Variants in FAM193A observed in about 807,000 individuals in gnomAD.
FAM193A encodes the protein family with sequence similarity 193 member A, also known as protein FAM193A.
A neutral mutation model predicts 126.5 loss-of-function variants in FAM193A; 22 were observed. The observed-to-expected ratio is 0.17, with a 90% confidence interval of 0.12 to 0.25. FAM193A has a LOEUF of 0.25. FAM193A is among the 10% of genes least tolerant of loss of function. The probability of loss-of-function intolerance (pLI) is 1.00; values close to 1 mark genes in which losing one functional copy is unlikely to be tolerated. For synonymous variants in FAM193A, 761 were observed against 646.8 expected (o/e 1.18, Z -2.68); for missense variants, 1,675 against 1,672.8 (o/e 1.00, Z -0.02).
intron 6 of FAM193A, 71 bp downstream of exon 6, chr4:2,639,930 G>GT (rs1744453503): frequency 1.4e-6 from 2 of 1,422,672 alleles, no homozygotes; most frequent in East Asian, 4.6e-5. Flanking sequence ...TGGTGTGCGT[G>GT]TACCCGAGTA....
intron 1 of FAM193A, among the ~76,000 whole-genome samples, chr4:2,590,010 A>G (rs1740431633): frequency 2.0e-5 from 3 of 151,958 alleles, no homozygotes; most frequent in Middle Eastern, 3.4e-3. Flanking sequence ...TGGCGCAGGC[A>G]TGTAATCCCA....
chr4:2,590,019 C>T (rs1170907725), intron 1 of FAM193A, among the ~76,000 whole-genome samples: 5 of 151,742 alleles, frequency 3.3e-5, no homozygotes, highest in Non-Finnish European at 7.4e-5. Context: ...CATGTAATCC[C>T]AGCTACTCAG....
At chr4:2,600,603 C>T (rs952243842) in intron 2 of FAM193A, among the ~76,000 whole-genome samples, 10 of 152,146 alleles carry the variant, frequency 6.6e-5, no homozygotes, top group African/African-American at 2.4e-4. Flanking sequence ...TATTGACCTT[C>T]GTGCTTCAGG....
intron 1 of FAM193A, among the ~76,000 whole-genome samples, chr4:2,566,672 A>T (rs974138159): frequency 1.3e-5 from 2 of 152,060 alleles, no homozygotes; most frequent in African/African-American, 4.8e-5. Flanking sequence ...TGGGGGACAG[A>T]GTGAGACTCT....
At chr4:2,709,610 G>C (rs1331913254) in intron 19 of FAM193A, among the ~76,000 whole-genome samples, 1 of 152,196 alleles carries the variant, frequency 6.6e-6, no homozygotes, top group Non-Finnish European at 1.5e-5. Flanking sequence ...TCAAGAGGCT[G>C]AGGCAGGAGA....
At chr4:2,561,565 C>T (rs1333674107) in intron 1 of FAM193A, among the ~76,000 whole-genome samples, 4 of 149,662 alleles carry the variant, frequency 2.7e-5, no homozygotes, top group African/African-American at 4.9e-5. Context: ...GGCGCAATCT[C>T]GGCTCACTGC....
In FAM193A at chr4:2,693,892, TG is replaced by T; in HGVS notation, c.3092+22del. ...GTCTGCAGGTGAGCCAAGTCCTGAC[TG>T]GGGACGTGGGAGCACTTTGGAAAAT... is the stretch of plus-strand genomic sequence containing the variant. On this transcript the variant is annotated intron_variant, in intron 16 of 20. Coordinates refer to ENST00000637812, the MANE Select transcript of FAM193A (RefSeq NM_001366318.2). 1 of 1,604,652 alleles carries T rather than the reference TG, an allele frequency of 6.2e-7. No homozygotes were observed. Among genetic ancestry groups the T allele is most frequent in the Non-Finnish European group, 8.5e-7 (1 of 1,173,794 alleles).
chr4:2,626,343 C>T, intron 3 of FAM193A, 67 bp from the exon 4 acceptor site: 1 of 668,696 alleles, frequency 1.5e-6, no homozygotes, highest in Non-Finnish European at 2.8e-6. Flanking sequence ...CCTCTGAGGA[C>T]AGTGTGCTAG....
At chr4:2,726,882 G>A (rs1314566900) in intron 20 of FAM193A, among the ~76,000 whole-genome samples, 5 of 149,252 alleles carry the variant, frequency 3.4e-5, no homozygotes, top group African/African-American at 1.0e-4. Context: ...CCCAGGAAGA[G>A]GAGGTTGTAG....
chr4:2,558,438 A>G (rs1279876651), intron 1 of FAM193A, among the ~76,000 whole-genome samples: 3 of 152,116 alleles, frequency 2.0e-5, no homozygotes, highest in Non-Finnish European at 2.9e-5. Flanking sequence ...CTGGAGTGCA[A>G]TTCCGCCGTC....
intron 12 of FAM193A, among the ~76,000 whole-genome samples, chr4:2,667,849 C>T (rs1180199073): frequency 6.6e-6 from 1 of 151,992 alleles, no homozygotes; most frequent in East Asian, 1.9e-4. Flanking sequence ...CAGTATGCAT[C>T]TCTTGTGAAT....
At chr4:2,662,286 C>G (rs1489375257) in intron 10 of FAM193A, among the ~76,000 whole-genome samples, 1 of 152,214 alleles carries the variant, frequency 6.6e-6, no homozygotes, top group East Asian at 1.9e-4. Context: ...TCATGAGTGA[C>G]CAGGCCATGA....
intron 2 of FAM193A, chr4:2,608,176 A>C: frequency 6.5e-7 from 1 of 1,546,486 alleles, no homozygotes; most frequent in Non-Finnish European, 8.9e-7. Context: ...AAATACCAAG[A>C]GGACTTCATT....
At chr4:2,694,542 C>T (rs953615963) in intron 16 of FAM193A, among the ~76,000 whole-genome samples, 2 of 152,248 alleles carry the variant, frequency 1.3e-5, no homozygotes, top group Middle Eastern at 3.4e-3. Context: ...GCTGGGAGTA[C>T]AGACGTGAGC....
intron 7 of FAM193A, among the ~76,000 whole-genome samples, chr4:2,654,014 C>T (rs181041150): frequency 6.6e-6 from 1 of 152,268 alleles, no homozygotes; most frequent in Admixed American, 6.5e-5. Flanking sequence ...CCCTGGAGTT[C>T]TTGGTTTGTG....
chr4:2,682,364 AT>A (rs1715254240), intron 13 of FAM193A, among the ~76,000 whole-genome samples: 1 of 152,018 alleles, frequency 6.6e-6, no homozygotes, highest in African/African-American at 2.4e-5. Context: ...GACTCTTGCT[AT>A]GTTACCCAAG....
chr4:2,554,522 A>G (rs28662417), intron 1 of FAM193A, among the ~76,000 whole-genome samples: 1,958 of 152,342 alleles, frequency 0.013, 24 homozygotes, highest in Middle Eastern at 0.02. Flanking sequence ...ATATGAACTT[A>G]AAAATGTATG....
chr4:2,664,564 T>TC, intron 12 of FAM193A, among the ~76,000 whole-genome samples: 1 of 127,366 alleles, frequency 7.9e-6, no homozygotes, highest in African/African-American at 3.0e-5. Flanking sequence ...CTTTCTTTTT[T>TC]TTTTTTTTTT....
intron 5 of FAM193A, 71 bp from the exon 6 acceptor site, chr4:2,639,664 C>A: frequency 1.5e-6 from 2 of 1,320,756 alleles, no homozygotes; most frequent in Non-Finnish European, 2.1e-6. Context: ...GGGAGGGAAT[C>A]CCTCTGGGAA....
Sources: allele counts gnomAD v4.1 joint callset (sites outside exome capture counted in the v4.1 genomes callset), GRCh38; gene constraint gnomAD v4.1.1; transcripts MANE v1.5; gene names NCBI Gene and HGNC (gene_info 2026-07-23, HGNC 2026-07-21).